TBC1D14: variants seen among roughly 807,000 people sequenced by gnomAD.
TBC1D14 encodes the protein TBC1 domain family member 14, also known as TBC1 domain family, member 14.
In TBC1D14, 26 loss-of-function variants were observed where a neutral mutation model predicts 79.0. The ratio of observed to expected loss-of-function variants is 0.33; its 90% CI spans 0.24 to 0.46. TBC1D14 has a LOEUF of 0.46. TBC1D14 is among the 20% of genes least tolerant of loss of function. TBC1D14 has a pLI of 1.00. For missense variants in TBC1D14, 769 were observed against 887.6 expected (o/e 0.87, Z 1.70); for synonymous variants, 394 against 349.9 (o/e 1.13, Z -1.40).
chr4:7,010,538 G>A (rs567223930), intron 10 of TBC1D14, 115 bp from the exon 11 acceptor site: 18 of 1,288,948 alleles, frequency 1.4e-5, no homozygotes, highest in Admixed American at 8.1e-5. Context: ...GGAGTGGGGC[G>A]GCTCTAGGGA....
intron 2 of TBC1D14, among the ~76,000 whole-genome samples, chr4:6,951,316 C>T (rs1269853817): frequency 2.0e-5 from 3 of 151,906 alleles, no homozygotes; most frequent in Admixed American, 1.3e-4. Flanking sequence ...ACAACAACAA[C>T]AACAACATAA....
chr4:6,986,471 T>C (rs1717837348), intron 3 of TBC1D14, among the ~76,000 whole-genome samples: 1 of 152,240 alleles, frequency 6.6e-6, no homozygotes, highest in African/African-American at 2.4e-5. Flanking sequence ...GTCCTTTTTA[T>C]TTTATCCTGG....
At chr4:6,940,763 G>A (rs980563566) in intron 2 of TBC1D14, among the ~76,000 whole-genome samples, 1 of 152,180 alleles carries the variant, frequency 6.6e-6, no homozygotes, top group Non-Finnish European at 1.5e-5. Context: ...CCGGCTGGGC[G>A]GCTGGACACA....
At chr4:7,013,459 G>A (rs1156670323) in intron 11 of TBC1D14, among the ~76,000 whole-genome samples, 2 of 152,220 alleles carry the variant, frequency 1.3e-5, no homozygotes, top group Admixed American at 6.5e-5. Context: ...ACTATCAGAC[G>A]GGTGCTGCCC....
intron 3 of TBC1D14, among the ~76,000 whole-genome samples, chr4:6,989,207 G>A (rs1577129940): frequency 6.6e-6 from 1 of 152,246 alleles, no homozygotes; most frequent in African/African-American, 2.4e-5. Flanking sequence ...ATCACACGTG[G>A]AATGTAGACC....
At chr4:7,027,804 A>G (rs1375822878) in intron 13 of TBC1D14, among the ~76,000 whole-genome samples, 2 of 136,040 alleles carry the variant, frequency 1.5e-5, no homozygotes, top group Admixed American at 1.5e-4. Flanking sequence ...CCCTACACAT[A>G]TCACACACCC....
At position 7,030,359 on chromosome 4, in the gene TBC1D14, A is replaced by G; in HGVS notation, c.2049A>G (p.Glu683=). 6.2e-7 allele frequency: 1 copy of G among 1,614,000 alleles called. No individual in the cohort carries two copies. The highest frequency in any genetic ancestry group is 1.1e-5 in the South Asian group (1 of 91,080). ...VLTALQKDSR[E]MEKGSPSLRH ...CTGCATTGCAGAAAGACAGCCGGGA[A>G]ATGGAGAAGGGAAGTCCGTCCCTCC... is the stretch of plus-strand genomic sequence containing the variant. Residue 683 remains glutamate, a synonymous_variant, in exon 14 of 14, where the codon GAA becomes GAG. Transcript: ENST00000409757.
intron 2 of TBC1D14, among the ~76,000 whole-genome samples, chr4:6,933,223 G>A (rs1711927074): frequency 8.8e-6 from 1 of 113,202 alleles, no homozygotes; most frequent in Admixed American, 1.0e-4. Flanking sequence ...ATTGTGTAAG[G>A]CTCATTGAGA....
chr4:6,938,132 T>A (rs982740203), intron 2 of TBC1D14, among the ~76,000 whole-genome samples: 2 of 152,132 alleles, frequency 1.3e-5, no homozygotes, highest in Non-Finnish European at 2.9e-5. Context: ...AGACACAGCT[T>A]CTTCCCATGG....
intron 12 of TBC1D14, among the ~76,000 whole-genome samples, chr4:7,019,307 A>G (rs981798660): frequency 3.9e-5 from 6 of 152,164 alleles, no homozygotes; most frequent in Non-Finnish European, 8.8e-5. Flanking sequence ...GACGTGAGCA[A>G]CCGCGCCCAG....
At chr4:7,012,301 CAA>C (rs35439827) in intron 11 of TBC1D14, among the ~76,000 whole-genome samples, 59,547 of 121,632 alleles carry the variant, frequency 0.49, 12,682 homozygotes, top group East Asian at 0.65. Context: ...GACCCCATCT[CAA>C]AAAAAAAAAA....
chr4:7,014,874 C>T (rs1027775839), intron 12 of TBC1D14, among the ~76,000 whole-genome samples: 8 of 152,216 alleles, frequency 5.3e-5, no homozygotes, highest in East Asian at 1.9e-4. Context: ...GCAAGGGCAG[C>T]GCTTGCCTGT....
chr4:6,987,517 C>T, intron 3 of TBC1D14: 1 of 550,164 alleles, frequency 1.8e-6, no homozygotes, highest in Non-Finnish European at 2.8e-6. Context: ...TATCTGTCCT[C>T]AACAGCCGAA....
At chr4:6,910,974 C>T (rs554981776) in intron 1 of TBC1D14, among the ~76,000 whole-genome samples, 4 of 152,242 alleles carry the variant, frequency 2.6e-5, no homozygotes, top group African/African-American at 7.2e-5. Context: ...GTCTTGTCCC[C>T]AGTATTGTAG....
At chr4:7,030,185 T>G in intron 13 of TBC1D14, 142 bp from the exon 14 acceptor site, 1 of 693,646 alleles carries the variant, frequency 1.4e-6, no homozygotes, top group East Asian at 2.7e-5. Flanking sequence ...GACGTAGGAG[T>G]GGAAGACCCT....
chr4:7,011,178 A>G (rs565945748), intron 11 of TBC1D14, among the ~76,000 whole-genome samples: 16 of 152,302 alleles, frequency 1.1e-4, no homozygotes, highest in Middle Eastern at 3.4e-3. Context: ...GTTGCTGCTC[A>G]TTGTCACCCT....
intron 3 of TBC1D14, among the ~76,000 whole-genome samples, chr4:6,979,612 CT>C (rs1717176693): frequency 6.6e-6 from 1 of 151,866 alleles, no homozygotes; most frequent in Non-Finnish European, 1.5e-5. Context: ...GAGTGAGACC[CT>C]ATCTCAAAAA....
intron 2 of TBC1D14, among the ~76,000 whole-genome samples, chr4:6,925,795 A>T (rs1299121061): frequency 6.6e-6 from 1 of 152,094 alleles, no homozygotes; most frequent in Non-Finnish European, 1.5e-5. Flanking sequence ...GTGTGGCGGA[A>T]CTTCCCCGTG....
intron 1 of TBC1D14, 21 bp from the exon 2 acceptor site, chr4:6,923,352 C>T: frequency 1.3e-6 from 2 of 1,563,574 alleles, no homozygotes; most frequent in Non-Finnish European, 1.7e-6. Context: ...ACTTTAATTT[C>T]CATGTTTGTG....
Sources: allele counts gnomAD v4.1 joint callset (sites outside exome capture counted in the v4.1 genomes callset), GRCh38; gene constraint gnomAD v4.1.1; transcripts MANE v1.5; gene names NCBI Gene and HGNC (gene_info 2026-07-23, HGNC 2026-07-21).